The following AGFG2 variants were observed in gnomAD, a reference collection of about 807,000 sequenced individuals.
The protein encoded by AGFG2 is ArfGAP with FG repeats 2, also known as arf-GAP domain and FG repeat-containing protein 2.
AGFG2 carries 31 observed loss-of-function variants against 48.0 expected under a neutral mutation model. The ratio of observed to expected loss-of-function variants is 0.65; its 90% CI spans 0.49 to 0.87. The LOEUF (loss-of-function observed/expected upper bound fraction) is 0.87, where lower values mean the gene tolerates loss of function less well. Among genes scored for constraint, AGFG2 ranks in the 40% least tolerant of loss-of-function variants. The pLI is 0.00. For synonymous variants in AGFG2, 229 were observed against 260.8 expected (o/e 0.88, Z 1.18); for missense variants, 599 against 632.6 (o/e 0.95, Z 0.57).
chr7:100,557,840 T>A (rs1352324778), intron 6 of AGFG2, among the ~76,000 whole-genome samples: 1 of 152,134 alleles, frequency 6.6e-6, no homozygotes, highest in Non-Finnish European at 1.5e-5. Context: ...TTAGTATCCA[T>A]AAAGTATTTT....
At chr7:100,563,698 C>CCATGGCTGGGTCCCTCGTTCCT in intron 9 of AGFG2, 136 bp from the exon 10 acceptor site, 1 of 1,310,646 alleles carries the variant, frequency 7.6e-7, no homozygotes, top group African/African-American at 1.5e-5. Flanking sequence ...CAGAAGAGTT[C>CCATGGCTGGGTCCCTCGTTCCT]CATGGCTGGG....
chr7:100,549,530 A>G (rs552795207), intron 2 of AGFG2, among the ~76,000 whole-genome samples: 1 of 152,160 alleles, frequency 6.6e-6, no homozygotes, highest in Non-Finnish European at 1.5e-5. Flanking sequence ...CTTTTTCAAT[A>G]CATGTCACAA....
chr7:100,543,930 A>G (rs755235481), intron 1 of AGFG2, among the ~76,000 whole-genome samples: 1 of 152,182 alleles, frequency 6.6e-6, no homozygotes, highest in Non-Finnish European at 1.5e-5. Flanking sequence ...AATTTCCCCA[A>G]CATACACATA....
chr7:100,563,282 C>T (rs1800918944), intron 9 of AGFG2, among the ~76,000 whole-genome samples: 2 of 152,334 alleles, frequency 1.3e-5, no homozygotes, highest in Middle Eastern at 3.4e-3. Flanking sequence ...CTTAAGCCAC[C>T]TGAAACACTC....
intron 3 of AGFG2, among the ~76,000 whole-genome samples, chr7:100,551,907 A>AG (rs1800655069): frequency 6.7e-6 from 1 of 149,416 alleles, no homozygotes; most frequent in South Asian, 2.1e-4. Flanking sequence ...AAAAAAAAAA[A>AG]AAAAGTAGGG....
At chr7:100,556,415 T>G (rs1584388028) in intron 6 of AGFG2, 1 of 316,898 alleles carries the variant, frequency 3.2e-6, no homozygotes. Context: ...CTTCCTAAGC[T>G]CTACACATTG....
At chr7:100,543,019 AGAGT>A (rs1310631944) in intron 1 of AGFG2, among the ~76,000 whole-genome samples, 2 of 152,242 alleles carry the variant, frequency 1.3e-5, no homozygotes, top group Non-Finnish European at 2.9e-5. Context: ...TCTGTGGGTT[AGAGT>A]GATACCAAAC....
intron 6 of AGFG2, among the ~76,000 whole-genome samples, chr7:100,558,528 T>C (rs1424350061): frequency 6.6e-6 from 1 of 150,592 alleles, no homozygotes; most frequent in Non-Finnish European, 1.5e-5. Flanking sequence ...GACAGAGTTT[T>C]TTTTGTTTTT....
At chr7:100,542,141 G>A (rs1800431703) in intron 1 of AGFG2, among the ~76,000 whole-genome samples, 1 of 151,698 alleles carries the variant, frequency 6.6e-6, no homozygotes, top group Non-Finnish European at 1.5e-5. Flanking sequence ...TCAGCCTCCT[G>A]AGTAGCTGAG....
Position 100,566,527 on chromosome 7 carries a change from C to G in AGFG2, c.*1536C>G, listed in dbSNP as rs7350033. 2,168 of 152,400 alleles carry G rather than the reference C, an allele frequency of 0.014. 27 individuals carry two copies. Among genetic ancestry groups the G allele is most frequent in the Non-Finnish European group, 0.023 (1,588 of 68,072 alleles). The allele number at this position is 152,400 out of a possible 1,614,324, so 9.4% of individuals were successfully genotyped here. On this transcript the variant is annotated 3_prime_UTR_variant, in exon 12 of 12. Coordinates refer to ENST00000300176, the MANE Select transcript of AGFG2 (RefSeq NM_006076.5). ...TGCCCTGGCCCCGTGGCCATTCATTCTTGGGGTTTGTCTGAGTCTTCCACA... is the reference window on the plus strand; with the variant it reads ...TGCCCTGGCCCCGTGGCCATTCATTGTTGGGGTTTGTCTGAGTCTTCCACA...
At chr7:100,542,502 TGA>T (rs1294292581) in intron 1 of AGFG2, among the ~76,000 whole-genome samples, 1 of 152,138 alleles carries the variant, frequency 6.6e-6, no homozygotes, top group African/African-American at 2.4e-5. Context: ...GAAGGTATGT[TGA>T]GAGTGAGAAA....
intron 3 of AGFG2, among the ~76,000 whole-genome samples, chr7:100,550,847 A>G (rs1345725971): frequency 1.3e-5 from 2 of 148,644 alleles, no homozygotes; most frequent in Non-Finnish European, 3.0e-5. Flanking sequence ...TTATTCCTTT[A>G]ACCCATCATT....
At chr7:100,553,226 A>T (rs556293427) in intron 3 of AGFG2, 121 bp from the exon 4 acceptor site, 49 of 1,270,620 alleles carry the variant, frequency 3.9e-5, no homozygotes, top group Admixed American at 6.1e-5. Flanking sequence ...CCCTTCAAAA[A>T]AGGGAATCAG....
rs760327205 is a variant in AGFG2, at chr7:100,555,725, A to G, written c.867A>G (p.Pro289=). 1.2e-6 allele frequency: 2 copies of G among 1,614,094 alleles called. No homozygotes were observed. Among genetic ancestry groups the G allele is most frequent in the Admixed American group, 3.3e-5 (2 of 60,024 alleles). Residue 289 remains proline, a synonymous_variant, in exon 6 of 12, where the codon CCA becomes CCG. Transcript: ENST00000300176. ...GTCAAGCCTCGTTCCAGGCCCAGCC[A>G]ACTCCTGCAGGTAAACTCTGCCCCA... The part of the protein sequence containing the change: ...PAGQASFQAQ[P]TPAGSSQGTP...
intron 3 of AGFG2, among the ~76,000 whole-genome samples, chr7:100,551,067 T>TATA (rs1562791931): frequency 3.9e-4 from 38 of 96,774 alleles, no homozygotes; most frequent in South Asian, 2.5e-3. Context: ...TATATATATA[T>TATA]TTCTTTTTTT....
In AGFG2 at chr7:100,555,714, C is replaced by T. The variant is rs759818769; in HGVS notation, c.856C>T (p.Gln286Ter). The T allele has an allele frequency of 6.2e-7, 1 of 1,614,126 alleles. No homozygotes were observed. The highest frequency in any genetic ancestry group is 8.5e-7 in the Non-Finnish European group (1 of 1,179,958). ...SLPPAGQASF[Q>*]AQPTPAGSSQ... ...CCCTCCAGCTGGTCAAGCCTCGTTC[C>T]AGGCCCAGCCAACTCCTGCAGGTAA... The change falls in exon 6 of 12, where the codon CAG becomes TAG. Residue 286 changes from glutamine to a stop codon, truncating the protein, a stop_gained. Coordinates refer to ENST00000300176, the MANE Select transcript of AGFG2 (RefSeq NM_006076.5). LOFTEE classifies it high-confidence loss of function.
intron 6 of AGFG2, chr7:100,556,244 GT>G (rs1330391652): frequency 1.0e-5 from 2 of 191,910 alleles, no homozygotes; most frequent in East Asian, 2.9e-4. Context: ...GAGCCCAGGA[GT>G]TTGAGGCTGT....
chr7:100,541,595 C>T (rs1346927186), intron 1 of AGFG2, among the ~76,000 whole-genome samples: 5 of 151,714 alleles, frequency 3.3e-5, no homozygotes, highest in Admixed American at 1.3e-4. Context: ...AATCTCATCT[C>T]TTACTAAAAA....
chr7:100,543,583 G>A (rs1800462767), intron 1 of AGFG2, among the ~76,000 whole-genome samples: 1 of 152,174 alleles, frequency 6.6e-6, no homozygotes, highest in Non-Finnish European at 1.5e-5. Flanking sequence ...GGTTGGATTG[G>A]CCGATGTAGC....
Sources: gnomAD v4.1 joint callset for allele counts (sites outside exome capture counted in the v4.1 genomes callset) on GRCh38, gnomAD v4.1.1 for gene constraint, MANE v1.5 for transcripts, NCBI Gene and HGNC (gene_info 2026-07-23, HGNC 2026-07-21) for gene names.